The following TRIM67 variants were observed in gnomAD, a reference collection of about 807,000 sequenced individuals.
TRIM67 encodes the protein tripartite motif containing 67.
A neutral mutation model predicts 71.0 loss-of-function variants in TRIM67; 39 were observed. That is an observed-to-expected ratio of 0.55 (90% CI 0.43 to 0.72). The LOEUF (loss-of-function observed/expected upper bound fraction) is 0.72, where lower values mean the gene tolerates loss of function less well. TRIM67 is among the 30% of genes least tolerant of loss of function. The pLI, the probability that TRIM67 is intolerant of heterozygous loss-of-function variation, is 0.00. For synonymous variants in TRIM67, 481 were observed against 473.9 expected (o/e 1.01, Z -0.19); for missense variants, 973 against 1,079.2 (o/e 0.90, Z 1.38).
rs527245191 is a variant in TRIM67, at chr1:231,200,810, G to C, written c.1375-548G>C. Among the ~76,000 whole-genome samples, 10 of 152,200 alleles carry C rather than the reference G, an allele frequency of 6.6e-5. No homozygotes were observed. In the East Asian group the frequency reaches 1.7e-3, roughly 26 times the overall value. On this transcript the variant is annotated intron_variant, in intron 4 of 9. Transcript: ENST00000366653. The stretch of plus-strand genomic sequence containing the variant: ...GACACACGAGACCCTGGCTCGACAG[G>C]GACACGTGCAAATGTCTGATAAGCA...
At chr1:231,203,756 T>C (rs1683616034) in intron 5 of TRIM67, 111 bp from the exon 6 acceptor site, 1 of 1,396,104 alleles carries the variant, frequency 7.2e-7, no homozygotes, top group East Asian at 2.5e-5. Context: ...GGAGGGAATT[T>C]AGCCTGGCTG....
intron 2 of TRIM67, among the ~76,000 whole-genome samples, chr1:231,198,666 A>T (rs1185571996): frequency 6.6e-6 from 1 of 152,170 alleles, no homozygotes. Context: ...GATTATAGGC[A>T]TGAGCTGCCG....
chr1:231,164,048 G>A (rs997830875), intron 1 of TRIM67, 35 bp downstream of exon 1: 4 of 1,464,022 alleles, frequency 2.7e-6, no homozygotes, highest in African/African-American at 1.4e-5. Context: ...CAGGTGCCAG[G>A]GAAGAGGGTA....
chr1:231,183,474 A>G (rs1247652613), intron 1 of TRIM67, among the ~76,000 whole-genome samples: 1 of 152,106 alleles, frequency 6.6e-6, no homozygotes, highest in Admixed American at 6.6e-5. Context: ...TTACTTGGGC[A>G]TGGTGGCACG....
intron 1 of TRIM67, among the ~76,000 whole-genome samples, chr1:231,167,376 G>GTCTC (rs1429727010): frequency 8.5e-5 from 7 of 81,972 alleles, no homozygotes; most frequent in African/African-American, 1.7e-4. Flanking sequence ...AGGCTGGAGT[G>GTCTC]CAGTGGCGGG....
intron 1 of TRIM67, chr1:231,186,237 T>C (rs768728324): frequency 2.9e-6 from 4 of 1,377,448 alleles, no homozygotes; most frequent in Admixed American, 2.0e-5. Flanking sequence ...CAAGAGTACA[T>C]TCTGGCAAAA....
intron 4 of TRIM67, among the ~76,000 whole-genome samples, chr1:231,201,110 C>T (rs1289956771): frequency 6.6e-6 from 1 of 152,038 alleles, no homozygotes; most frequent in Admixed American, 6.6e-5. Flanking sequence ...GCGGCAATCT[C>T]TTTAAGCATC....
intron 1 of TRIM67, among the ~76,000 whole-genome samples, chr1:231,183,448 T>C (rs1682963629): frequency 2.0e-5 from 3 of 151,748 alleles, no homozygotes; most frequent in Non-Finnish European, 1.5e-5. Context: ...AAAGTAAAAA[T>C]AACAAAATAT....
intron 1 of TRIM67, among the ~76,000 whole-genome samples, chr1:231,170,159 T>A (rs28630410): frequency 6.6e-6 from 1 of 151,968 alleles, no homozygotes; most frequent in Non-Finnish European, 1.5e-5. Context: ...GCTAATTTTT[T>A]ATTTTTAGTA....
chr1:231,193,360 A>AC (rs1683282607), intron 1 of TRIM67, among the ~76,000 whole-genome samples: 1 of 152,150 alleles, frequency 6.6e-6, no homozygotes, highest in Non-Finnish European at 1.5e-5. Flanking sequence ...CCAAATTCAT[A>AC]CGTTGACGCC....
At position 231,219,829 on chromosome 1, in the gene TRIM67, C is replaced by A; in HGVS notation, c.*4389C>A. The A allele has an allele frequency of 7.8e-7, 1 of 1,284,708 alleles. No homozygotes were observed. The highest frequency in any genetic ancestry group is 1.0e-6 in the Non-Finnish European group (1 of 985,810). 79.6% of individuals were successfully genotyped at this position (1,284,708 alleles called of 1,614,324 possible). On this transcript the variant is annotated 3_prime_UTR_variant, in exon 10 of 10. Transcript: ENST00000366653. ...GACCACATTCTTTGGCAGTTCCTCCCAGAAGATCAAAGGATCCTGCAGCTT... is the reference window on the plus strand; with the variant it reads ...GACCACATTCTTTGGCAGTTCCTCCAAGAAGATCAAAGGATCCTGCAGCTT...
intron 1 of TRIM67, among the ~76,000 whole-genome samples, chr1:231,170,896 T>A (rs1464607505): frequency 6.6e-6 from 1 of 152,204 alleles, no homozygotes; most frequent in Non-Finnish European, 1.5e-5. Context: ...TGCAGCCTTG[T>A]TGGTCGCAAT....
Position 231,165,782 on chromosome 1 carries a change from A to G in TRIM67, c.1044+1769A>G, listed in dbSNP as rs1682445104. Among the ~76,000 whole-genome samples, 4 of 152,376 alleles carry G rather than the reference A, an allele frequency of 2.6e-5. No homozygotes were observed. The East Asian group carries it at 7.7e-4, about 29-fold the overall frequency. ...TTATTTGTAAAAAGGGCTGTGACCA[A>G]TTACCAAGACAAGAAGTACAGATTC... On this transcript the variant is annotated intron_variant, in intron 1 of 9. Transcript: ENST00000366653.
At chr1:231,210,543 G>T (rs1683838980) in intron 8 of TRIM67, among the ~76,000 whole-genome samples, 1 of 151,148 alleles carries the variant, frequency 6.6e-6, no homozygotes, top group African/African-American at 2.4e-5. Flanking sequence ...ACCCACAGAG[G>T]GGCCAAGTCC....
At position 231,163,069 on chromosome 1, in the gene TRIM67, A is replaced by G. The variant is rs1682333507; in HGVS notation, c.100A>G (p.Ile34Val). 3.1e-6 allele frequency: 5 copies of G among 1,601,596 alleles called. No homozygotes were observed. The highest frequency in any genetic ancestry group is 2.6e-6 in the Non-Finnish European group (3 of 1,174,718). Residue 34 changes from isoleucine to valine, a missense_variant, in exon 1 of 10, where the codon ATC becomes GTC. Coordinates refer to ENST00000366653, the MANE Select transcript of TRIM67 (RefSeq NM_001004342.5). Reference protein sequence around the residue: ...HNVCLPCARTIAVQTPDGEQH... With the variant: ...HNVCLPCARTVAVQTPDGEQH... Reference sequence around the variant, plus strand: ...TGTCTGCCTGCCTTGCGCTCGCACCATCGCGGTGCAGACCCCGGACGGTGA... The same window carrying G: ...TGTCTGCCTGCCTTGCGCTCGCACCGTCGCGGTGCAGACCCCGGACGGTGA...
At chr1:231,211,020 CA>C (rs113952856) in intron 8 of TRIM67, among the ~76,000 whole-genome samples, 4,923 of 133,774 alleles carry the variant, frequency 0.037, 120 homozygotes, top group South Asian at 0.075. Context: ...TCCTCTCTAC[CA>C]AAAAAAAAAA....
chr1:231,197,796 G>A (rs1160495369), intron 2 of TRIM67, among the ~76,000 whole-genome samples: 1 of 152,158 alleles, frequency 6.6e-6, no homozygotes, highest in Non-Finnish European at 1.5e-5. Flanking sequence ...TTGCACTCTG[G>A]CTTGGGCAAC....
rs533642478 is a variant in TRIM67, at chr1:231,217,590, A to G, written c.*2150A>G. On this transcript the variant is annotated 3_prime_UTR_variant, in exon 10 of 10. Transcript: ENST00000366653. ...TTGGGAAGTGTCTAGCTCTCTTCTG[A>G]AAAAAAAACAGGCCTACACCCTGCC... 90 of 1,026,536 alleles carry G rather than the reference A, an allele frequency of 8.8e-5. 1 individual carries two copies. The East Asian group carries it at 5.0e-3, about 57-fold the overall frequency. 63.6% of individuals were successfully genotyped at this position (1,026,536 alleles called of 1,614,324 possible).
chr1:231,185,862 G>A (rs1274606978), intron 1 of TRIM67, among the ~76,000 whole-genome samples: 3 of 151,864 alleles, frequency 2.0e-5, no homozygotes, highest in Admixed American at 6.5e-5. Flanking sequence ...CATGGAGTCT[G>A]GGGGGAAGAC....
Sources: allele counts gnomAD v4.1 joint callset (sites outside exome capture counted in the v4.1 genomes callset), GRCh38; gene constraint gnomAD v4.1.1; transcripts MANE v1.5; gene names NCBI Gene and HGNC (gene_info 2026-07-23, HGNC 2026-07-21).